The following PCDHA1 variants were observed in gnomAD, a reference collection of about 807,000 sequenced individuals.
The protein encoded by PCDHA1 is protocadherin alpha-1.
A neutral mutation model predicts 61.3 loss-of-function variants in PCDHA1; 42 were observed. The ratio of observed to expected loss-of-function variants is 0.69; its 90% CI spans 0.54 to 0.89. PCDHA1 has a LOEUF of 0.89. PCDHA1 is among the 40% of genes least tolerant of loss of function. PCDHA1 has a pLI of 0.00. For synonymous variants in PCDHA1, 610 were observed against 553.8 expected, an observed-to-expected ratio of 1.10 and a Z score of -1.43; for missense variants, 1,256 against 1,235.3, an observed-to-expected ratio of 1.02 and a Z score of -0.25.
intron 1 of PCDHA1, among the ~76,000 whole-genome samples, chr5:140,839,661 T>C (rs1554137540): frequency 1.3e-5 from 2 of 152,120 alleles, no homozygotes; most frequent in African/African-American, 4.8e-5. Context: ...TGTTTGCTAC[T>C]ATTTAGAGTC....
intron 1 of PCDHA1, among the ~76,000 whole-genome samples, chr5:140,951,145 TG>T (rs1554219754): frequency 9.9e-6 from 1 of 100,698 alleles, no homozygotes; most frequent in African/African-American, 4.8e-5. Flanking sequence ...TTTATCTTAT[TG>T]AATATAGTTA....
intron 3 of PCDHA1, among the ~76,000 whole-genome samples, chr5:140,995,648 G>A (rs548703031): frequency 1.3e-5 from 2 of 152,248 alleles, no homozygotes; most frequent in South Asian, 2.1e-4. Flanking sequence ...TAGAAAAGGA[G>A]AATCGAAAAG....
At chr5:140,863,829 T>A (rs2048195193) in intron 1 of PCDHA1, 1 of 199,822 alleles carries the variant, frequency 5.0e-6, no homozygotes, top group East Asian at 1.2e-4. Flanking sequence ...TGAAACTCCA[T>A]CTCTACTAAA....
rs17844334 is a variant in PCDHA1 at position 140,850,512 on chromosome 5, G to C, written c.2394+61828G>C. On this transcript the variant is annotated intron_variant, in intron 1 of 3. Transcript: ENST00000504120. ...TGTGCTGGTGTCGCTGGTGGAGAGCGGCCAGGCGCCAAAGTCATCGTCGCG... is the reference window on the plus strand; with the variant it reads ...TGTGCTGGTGTCGCTGGTGGAGAGCCGCCAGGCGCCAAAGTCATCGTCGCG... The C allele has an allele frequency of 2.1e-4, 342 of 1,598,262 alleles. 9 individuals carry two copies. The East Asian group carries it at 6.3e-3, about 30-fold the overall frequency.
At chr5:140,818,365 T>C (rs2150101023) in intron 1 of PCDHA1, among the ~76,000 whole-genome samples, 1 of 152,372 alleles carries the variant, frequency 6.6e-6, no homozygotes, top group South Asian at 2.1e-4. Flanking sequence ...GATTGAATTC[T>C]TAACTTGAAT....
intron 1 of PCDHA1, chr5:140,926,922 T>A: frequency 6.4e-7 from 1 of 1,570,576 alleles, no homozygotes; most frequent in Non-Finnish European, 8.7e-7. Flanking sequence ...CAGTTTTATG[T>A]TTGTGGGTTT....
intron 1 of PCDHA1, among the ~76,000 whole-genome samples, chr5:140,924,916 T>A (rs551375956): frequency 7.0e-4 from 85 of 122,004 alleles, no homozygotes; most frequent in East Asian, 2.6e-3. Context: ...TAAAATAAAA[T>A]AAAATAAAAT....
intron 1 of PCDHA1, among the ~76,000 whole-genome samples, chr5:140,922,238 T>C (rs1554200737): frequency 6.6e-6 from 1 of 152,210 alleles, no homozygotes; most frequent in East Asian, 1.9e-4. Context: ...CCATGATGTG[T>C]ATGAAGATAA....
intron 1 of PCDHA1, chr5:140,828,559 C>A (rs2150156735): frequency 8.1e-6 from 13 of 1,614,056 alleles, no homozygotes; most frequent in Non-Finnish European, 1.1e-5. Flanking sequence ...CACTGGAGGG[C>A]GCGTCCGATG....
intron 1 of PCDHA1, chr5:140,883,540 G>A (rs782359917): frequency 1.9e-6 from 3 of 1,614,222 alleles, no homozygotes; most frequent in Non-Finnish European, 2.5e-6. Context: ...ATGAACTGGT[G>A]GTGACCGCGC....
intron 1 of PCDHA1, chr5:140,871,292 C>G: frequency 1.2e-6 from 2 of 1,613,890 alleles, no homozygotes; most frequent in Non-Finnish European, 8.5e-7. Context: ...ACTGAGGGCG[C>G]GTGCGCGCCG....
rs781941183 is a variant in PCDHA1, at chr5:140,884,613, C to T, written c.2395-94336C>T. On this transcript the variant is annotated intron_variant, in intron 1 of 3. Transcript: ENST00000504120. ...CCCAGCCTTCCTCCTTGTCTGGGTT[C>T]TGCAGAGGGAACAGGCCAGAGGGAG... 3 of 1,614,086 alleles carry T rather than the reference C, an allele frequency of 1.9e-6. No individual in the cohort carries two copies. The South Asian group carries it at 3.3e-5, about 18-fold the overall frequency.
At chr5:140,799,038 C>A (rs1554120819) in intron 1 of PCDHA1, among the ~76,000 whole-genome samples, 1 of 152,168 alleles carries the variant, frequency 6.6e-6, no homozygotes, top group Non-Finnish European at 1.5e-5. Context: ...TGATAAGCTT[C>A]TAAAATTATA....
chr5:141,010,949 C>T lies in PCDHA1; in HGVS notation c.*1012C>T, dbSNP rs1554263219. The T allele has an allele frequency of 6.5e-6, 1 of 153,762 alleles. No individual in the cohort carries two copies. Among genetic ancestry groups the T allele is most frequent in the African/African-American group, 2.4e-5 (1 of 41,442 alleles). 9.5% of individuals were successfully genotyped at this position (153,762 alleles called of 1,614,324 possible). On this transcript the variant is annotated 3_prime_UTR_variant, in exon 4 of 4. Transcript: ENST00000504120. ...TTCAGTCTACAGCCATTTAAATGAT[C>T]ATTGCTGCTACAGAAGTGCTTTAAG...
At chr5:140,853,080 C>A in intron 1 of PCDHA1, 1 of 301,148 alleles carries the variant, frequency 3.3e-6, no homozygotes, top group Non-Finnish European at 5.0e-6. Context: ...GGGGTTTCAC[C>A]GTGTTAGTCA....
intron 1 of PCDHA1, chr5:140,823,273 G>A: frequency 1.2e-6 from 2 of 1,612,518 alleles, no homozygotes; most frequent in Non-Finnish European, 1.7e-6. Context: ...GCGGGTGGGC[G>A]AGCGCCCGCT....
In PCDHA1 at chr5:140,842,902, G is replaced by A. The variant is rs2150347537; in HGVS notation, c.2394+54218G>A. The A allele has an allele frequency of 2.1e-5, 34 of 1,594,288 alleles. 5 individuals carry two copies. Among genetic ancestry groups the A allele is most frequent in the African/African-American group, 2.7e-5 (2 of 74,330 alleles). On this transcript the variant is annotated intron_variant, in intron 1 of 3. Coordinates refer to ENST00000504120, the MANE Select transcript of PCDHA1 (RefSeq NM_018900.4). ...CGCTGCAGCCGCTGGACCACGAGGA[G>A]CTAGAGCTGCTGCAGTTCCAGGTGA...
chr5:140,826,816 T>A (rs1769068230), intron 1 of PCDHA1, among the ~76,000 whole-genome samples: 1 of 152,138 alleles, frequency 6.6e-6, no homozygotes. Context: ...TGTGATTACA[T>A]ATTAGGTTAC....
chr5:140,857,728 C>G, intron 1 of PCDHA1: 1 of 1,597,418 alleles, frequency 6.3e-7, no homozygotes, highest in Non-Finnish European at 8.6e-7. Context: ...AGAACGACAA[C>G]GCTCCCGCGC....
Sources: gnomAD v4.1 joint callset for allele counts (sites outside exome capture counted in the v4.1 genomes callset) on GRCh38, gnomAD v4.1.1 for gene constraint, MANE v1.5 for transcripts, NCBI Gene and HGNC (gene_info 2026-07-23, HGNC 2026-07-21) for gene names.